CTNNA1: variants seen among roughly 807,000 people sequenced by gnomAD.
The protein encoded by CTNNA1 is catenin alpha-1.
In CTNNA1, 37 loss-of-function variants were observed where a neutral mutation model predicts 98.4. The ratio of observed to expected loss-of-function variants is 0.38; its 90% CI spans 0.29 to 0.49. CTNNA1 has a LOEUF of 0.49. Ranked by LOEUF, CTNNA1 falls within the 20% of genes least tolerant of loss-of-function variation. The pLI, the probability that CTNNA1 is intolerant of heterozygous loss-of-function variation, is 0.95. For synonymous variants in CTNNA1, 404 were observed against 413.2 expected, an observed-to-expected ratio of 0.98 and a Z score of 0.27; for missense variants, 761 against 1,147.2, an observed-to-expected ratio of 0.66 and a Z score of 4.86.
chr5:138,872,785 C>T (rs1233707607), intron 7 of CTNNA1: 4 of 425,672 alleles, frequency 9.4e-6, no homozygotes, highest in African/African-American at 4.1e-5. Flanking sequence ...GCATTTTAGA[C>T]TTTCCAACAG....
Position 138,934,312 on chromosome 5 carries a change from TAAATAA to T in CTNNA1, c.*234_*239del, listed in dbSNP as rs780084261. 2.7e-5 allele frequency: 14 copies of T among 511,532 alleles called. No homozygotes were observed. The highest frequency in any genetic ancestry group is 4.4e-5 in the Non-Finnish European group (13 of 292,318). The allele number at this position is 511,532 out of a possible 1,614,324, so 31.7% of individuals were successfully genotyped here. ...CTTCTAGCTGTATTTTTTGTATGCT[TAAATAA>T]AAATAAAAATTCATAACCAAAGAGA... is the stretch of plus-strand genomic sequence containing the variant. On this transcript the variant is annotated 3_prime_UTR_variant, in exon 18 of 18. Coordinates refer to ENST00000302763, the MANE Select transcript of CTNNA1 (RefSeq NM_001903.5).
At chr5:138,756,827 G>A (rs1751703810) in intron 1 of CTNNA1, among the ~76,000 whole-genome samples, 1 of 152,200 alleles carries the variant, frequency 6.6e-6, no homozygotes, top group Admixed American at 6.5e-5. Context: ...GAAGCAGAGA[G>A]TTGAGCTAGG....
intron 7 of CTNNA1, among the ~76,000 whole-genome samples, chr5:138,883,296 G>A (rs1489029718): frequency 1.3e-5 from 2 of 152,112 alleles, no homozygotes; most frequent in Admixed American, 1.3e-4. Context: ...TATTTGGACT[G>A]TATTTTTCTA....
At chr5:138,841,250 T>C (rs1261508060) in intron 7 of CTNNA1, among the ~76,000 whole-genome samples, 3 of 152,080 alleles carry the variant, frequency 2.0e-5, no homozygotes, top group Non-Finnish European at 4.4e-5. Context: ...TGTATGTATA[T>C]ATGTATGTAT....
intron 7 of CTNNA1, among the ~76,000 whole-genome samples, chr5:138,855,646 T>C (rs1432533251): frequency 6.6e-6 from 1 of 152,212 alleles, no homozygotes; most frequent in Non-Finnish European, 1.5e-5. Flanking sequence ...GTACGGTGTT[T>C]GGTGGGTGAG....
intron 11 of CTNNA1, among the ~76,000 whole-genome samples, chr5:138,922,736 G>T (rs1385638240): frequency 6.6e-6 from 1 of 152,174 alleles, no homozygotes; most frequent in Non-Finnish European, 1.5e-5. Context: ...CAGGCTGGGT[G>T]CTCTGTCCTG....
At chr5:138,805,316 C>T (rs1757975647) in intron 3 of CTNNA1, among the ~76,000 whole-genome samples, 1 of 152,206 alleles carries the variant, frequency 6.6e-6, no homozygotes, top group Non-Finnish European at 1.5e-5. Context: ...TAACATTTAA[C>T]CCTTTGAGGA....
chr5:138,877,399 G>A (rs1751847862), intron 7 of CTNNA1, among the ~76,000 whole-genome samples: 1 of 151,062 alleles, frequency 6.6e-6, no homozygotes, highest in African/African-American at 2.4e-5. Flanking sequence ...GCCCCCAAAA[G>A]TTCTAAGGAC....
intron 11 of CTNNA1, 77 bp downstream of exon 11, chr5:138,917,975 C>A: frequency 1.4e-6 from 2 of 1,392,440 alleles, no homozygotes; most frequent in Non-Finnish European, 2.0e-6. Context: ...AATGGGCAAA[C>A]ACTGCTATGT....
intron 1 of CTNNA1, among the ~76,000 whole-genome samples, chr5:138,778,182 G>T (rs1250403110): frequency 6.6e-6 from 1 of 151,616 alleles, no homozygotes; most frequent in Middle Eastern, 3.2e-3. Context: ...TTTTAGTAGA[G>T]ACGGGGTTTC....
At chr5:138,770,052 T>C (rs920370510) in intron 1 of CTNNA1, among the ~76,000 whole-genome samples, 1 of 151,636 alleles carries the variant, frequency 6.6e-6, no homozygotes, top group African/African-American at 2.4e-5. Context: ...GCCAGGCTAG[T>C]CACGAACTCT....
chr5:138,844,854 T>A (rs1762574068), intron 7 of CTNNA1, among the ~76,000 whole-genome samples: 1 of 152,060 alleles, frequency 6.6e-6, no homozygotes, highest in Non-Finnish European at 1.5e-5. Context: ...AAACAAAGAT[T>A]TAGAGTCAAA....
At chr5:138,804,200 A>G (rs1409092642) in intron 3 of CTNNA1, among the ~76,000 whole-genome samples, 1 of 152,250 alleles carries the variant, frequency 6.6e-6, no homozygotes, top group Non-Finnish European at 1.5e-5. Context: ...GTCTAGTTGC[A>G]TAGCTGGCAA....
At chr5:138,756,830 G>A (rs868274794) in intron 1 of CTNNA1, among the ~76,000 whole-genome samples, 1 of 152,178 alleles carries the variant, frequency 6.6e-6, no homozygotes, top group Non-Finnish European at 1.5e-5. Context: ...GCAGAGAGTT[G>A]AGCTAGGAAG....
rs140770161 is a variant in CTNNA1, at chr5:138,795,288, C to T, written c.301+11916C>T. Among the ~76,000 whole-genome samples the T allele has an allele frequency of 4.0e-3, 605 of 151,692 alleles. 8 individuals carry two copies. Among genetic ancestry groups the T allele is most frequent in the African/African-American group, 0.013 (528 of 41,362 alleles). On this transcript the variant is annotated intron_variant, in intron 3 of 17. Coordinates refer to ENST00000302763, the MANE Select transcript of CTNNA1 (RefSeq NM_001903.5). Reference sequence around the variant, plus strand: ...CAGCCTGACCAACATGGTGAGACCCCGTCTACTAAAAATATAAAAATTAGC... The same window carrying T: ...CAGCCTGACCAACATGGTGAGACCCTGTCTACTAAAAATATAAAAATTAGC...
At chr5:138,882,303 G>A (rs1165168140) in intron 7 of CTNNA1, among the ~76,000 whole-genome samples, 1 of 152,170 alleles carries the variant, frequency 6.6e-6, no homozygotes, top group Non-Finnish European at 1.5e-5. Context: ...AGTATTTTAT[G>A]TAGGTGAGAG....
chr5:138,776,036 T>TATG (rs1160081043), intron 1 of CTNNA1, among the ~76,000 whole-genome samples: 9 of 118,948 alleles, frequency 7.6e-5, no homozygotes, highest in African/African-American at 2.5e-4. Flanking sequence ...TCTGGAAATG[T>TATG]TTCTTTTTTT....
At chr5:138,921,744 G>T (rs1762959144) in intron 11 of CTNNA1, among the ~76,000 whole-genome samples, 1 of 151,626 alleles carries the variant, frequency 6.6e-6, no homozygotes, top group African/African-American at 2.4e-5. Flanking sequence ...GGGATTACAG[G>T]TGCCTGTCAC....
intron 1 of CTNNA1, among the ~76,000 whole-genome samples, chr5:138,769,766 C>T (rs1257421811): frequency 1.3e-5 from 2 of 152,064 alleles, no homozygotes; most frequent in African/African-American, 2.4e-5. Context: ...CTCCCGACCT[C>T]AGGTGATCCG....
Sources: gnomAD v4.1 joint callset for allele counts (sites outside exome capture counted in the v4.1 genomes callset) on GRCh38, gnomAD v4.1.1 for gene constraint, MANE v1.5 for transcripts, NCBI Gene and HGNC (gene_info 2026-07-23, HGNC 2026-07-21) for gene names.